LAMA3: variants seen among roughly 807,000 people sequenced by gnomAD.
The protein encoded by LAMA3 is laminin subunit alpha 3.
A neutral mutation model predicts 402.0 loss-of-function variants in LAMA3; 281 were observed. The ratio of observed to expected loss-of-function variants is 0.70; its 90% CI spans 0.63 to 0.77. The LOEUF (loss-of-function observed/expected upper bound fraction) is 0.77. Ranked by LOEUF, LAMA3 falls within the 30% of genes least tolerant of loss-of-function variation. The pLI is 0.00. For synonymous variants in LAMA3, 1,431 were observed against 1,558.4 expected, an observed-to-expected ratio of 0.92 and a Z score of 1.93; for missense variants, 3,840 against 4,215.5, an observed-to-expected ratio of 0.91 and a Z score of 2.47.
At chr18:23,799,271 C>T (rs996997321) in intron 12 of LAMA3, among the ~76,000 whole-genome samples, 15 of 152,074 alleles carry the variant, frequency 9.9e-5, no homozygotes, top group East Asian at 3.8e-4. Context: ...TAAAATACTC[C>T]GGAAACTCCA....
intron 35 of LAMA3, 101 bp downstream of exon 35, chr18:23,861,908 A>C (rs932589392): frequency 3.1e-6 from 4 of 1,297,094 alleles, no homozygotes; most frequent in Non-Finnish European, 4.2e-6. Flanking sequence ...CCAGCAGTTC[A>C]GGTTACTAAC....
chr18:23,837,775 C>G (rs962249193), intron 25 of LAMA3, among the ~76,000 whole-genome samples: 8 of 151,724 alleles, frequency 5.3e-5, no homozygotes, highest in Non-Finnish European at 1.2e-4. Context: ...AAGTGTGAAG[C>G]AACTTCCTGT....
chr18:23,933,720 C>A (rs2082231324), intron 66 of LAMA3, 62 bp from the exon 67 acceptor site: 1 of 1,576,728 alleles, frequency 6.3e-7, no homozygotes. Context: ...CTCTCTCTAC[C>A]AGAGGGTCTT....
intron 23 of LAMA3, among the ~76,000 whole-genome samples, chr18:23,832,053 C>G (rs1031491195): frequency 6.6e-6 from 1 of 152,172 alleles, no homozygotes; most frequent in African/African-American, 2.4e-5. Flanking sequence ...ATCAAATGTA[C>G]CTTAAACTCT....
At chr18:23,773,726 C>CA in intron 9 of LAMA3, 139 bp downstream of exon 9, 4 of 688,328 alleles carry the variant, frequency 5.8e-6, no homozygotes, top group Non-Finnish European at 1.1e-5. Context: ...TATGTGACCT[C>CA]AGTCACTTAC....
chr18:23,914,780 G>A lies in LAMA3; in HGVS notation c.7564G>A (p.Gly2522Ser). The stretch of plus-strand genomic sequence containing the variant: ...AACACCCGGAGTCTATGACATGGAT[G>A]GTAGAAATAGCAATACACTCCTTAA... The part of the protein sequence containing the change: ...PETPGVYDMD[G>S]RNSNTLLNLD... Residue 2522 changes from glycine to serine, a missense_variant, in exon 58 of 75, where the codon GGT becomes AGT. Coordinates refer to ENST00000313654, the MANE Select transcript of LAMA3 (RefSeq NM_198129.4). The A allele has an allele frequency of 6.2e-7, 1 of 1,612,922 alleles. No individual in the cohort carries two copies. Among genetic ancestry groups the A allele is most frequent in the Non-Finnish European group, 8.5e-7 (1 of 1,178,962 alleles).
intron 12 of LAMA3, among the ~76,000 whole-genome samples, chr18:23,790,648 A>G (rs1460364325): frequency 6.6e-6 from 1 of 152,196 alleles, no homozygotes; most frequent in African/African-American, 2.4e-5. Flanking sequence ...AAGTCATAGA[A>G]CATTTGGGTG....
chr18:23,873,165 C>G, intron 38 of LAMA3: 1 of 1,614,214 alleles, frequency 6.2e-7, no homozygotes, highest in Non-Finnish European at 8.5e-7. Flanking sequence ...TCTTCAGCCT[C>G]CCGGTCAAAG....
intron 22 of LAMA3, among the ~76,000 whole-genome samples, chr18:23,827,077 G>T (rs1280771029): frequency 2.6e-5 from 4 of 152,328 alleles, no homozygotes; most frequent in Non-Finnish European, 5.9e-5. Flanking sequence ...CATACATCTG[G>T]TGGGAGGAAG....
rs2082703609 is a variant in LAMA3 at position 23,946,155 on chromosome 18, C to T, written c.9222C>T (p.Gly3074=). ...TTCTTACTCTGAAGGTGGTGTTTGG[C>T]CATGATGGGGAAAAGGGGCGCTTGG... ...NDGKWHTVVF[G]HDGEKGRLVV... The change falls in exon 70 of 75, where the codon GGC becomes GGT. Residue 3074 remains glycine (G), a synonymous_variant. Transcript: ENST00000313654. The T allele has an allele frequency of 3.1e-6, 5 of 1,613,746 alleles. No homozygotes were observed. The East Asian group carries it at 1.1e-4, about 36-fold the overall frequency.
intron 70 of LAMA3, among the ~76,000 whole-genome samples, chr18:23,947,482 G>A (rs114048055): frequency 3.1e-3 from 475 of 152,298 alleles, no homozygotes; most frequent in African/African-American, 0.011. Flanking sequence ...TGGGCATAAT[G>A]AAAGCAGGTC....
chr18:23,954,023 C>T (rs2083022777), intron 74 of LAMA3, among the ~76,000 whole-genome samples: 1 of 152,216 alleles, frequency 6.6e-6, no homozygotes, highest in South Asian at 2.1e-4. Flanking sequence ...GCTGATTTAT[C>T]ACAGCAGGTG....
At position 23,914,492 on chromosome 18, in the gene LAMA3, T is replaced by G. The variant is rs1259179419; in HGVS notation, c.7412T>G (p.Leu2471Arg). Residue 2471 changes from leucine to arginine, a missense_variant, in exon 57 of 75, where the codon CTC becomes CGC. This residue lies in a region of LAMA3 where 891 missense variants were observed against 857.5 expected (regional missense o/e 1.04). Coordinates refer to ENST00000313654, the MANE Select transcript of LAMA3 (RefSeq NM_198129.4). ...AACCTGGGGGACCGTGAGGCTGAAC[T>G]CCAAGTGGACCAGATCTTGACCAAG... ...VYNLGDREAE[L>R]QVDQILTKSE... 1.2e-6 allele frequency: 2 copies of G among 1,614,126 alleles called. No individual in the cohort carries two copies. The highest frequency in any genetic ancestry group is 4.5e-5 in the East Asian group (2 of 44,866).
At position 23,905,584 on chromosome 18, in the gene LAMA3, G is replaced by A. The variant is rs2145163674; in HGVS notation, c.6678G>A (p.Leu2226=). The A allele has an allele frequency of 6.2e-7, 1 of 1,611,606 alleles. No homozygotes were observed. The highest frequency in any genetic ancestry group is 8.5e-7 in the Non-Finnish European group (1 of 1,178,162). ...CCCTGAGTTCCAACAGTGATAAACT[G>A]TTAAATGAAGCCAAGATGACACAAA... ...AKTLSSNSDK[L]LNEAKMTQKK... Residue 2226 remains leucine, a synonymous_variant, in exon 52 of 75, where the codon CTG becomes CTA. Transcript: ENST00000313654.
At position 23,914,846 on chromosome 18, in the gene LAMA3, C is replaced by T. The variant is rs747351351; in HGVS notation, c.7630C>T (p.Pro2544Ser). 5.6e-6 allele frequency: 9 copies of T among 1,611,420 alleles called. No individual in the cohort carries two copies. In the Admixed American group the frequency reaches 6.7e-5, roughly 12 times the overall value. The change falls in exon 58 of 75, where the codon CCA becomes TCA. Residue 2544 changes from proline to serine, a missense_variant. By Grantham distance (74) the Pro-to-Ser change is moderately conservative. Around this residue, in one of 3 missense-constraint regions of LAMA3, gnomAD observed 840 missense variants for 981.9 expected, o/e 0.86. Transcript: ENST00000313654. ...ENVVFYVGGY[P>S]PDFKLPSRLS... ...TGTTGTATTTTATGTTGGAGGTTAC[C>T]CACCTGATTTTAAAGTAAGTGTAAA... is the stretch of plus-strand genomic sequence containing the variant.
At chr18:23,798,105 G>A (rs1015656588) in intron 12 of LAMA3, among the ~76,000 whole-genome samples, 3 of 151,400 alleles carry the variant, frequency 2.0e-5, no homozygotes, top group East Asian at 1.9e-4. Context: ...CCTTTTTTCC[G>A]CTATTCTTCA....
intron 2 of LAMA3, among the ~76,000 whole-genome samples, chr18:23,737,263 C>T (rs551937690): frequency 3.0e-4 from 45 of 152,322 alleles, no homozygotes; most frequent in African/African-American, 1.1e-3. Flanking sequence ...AGCTGGATTT[C>T]AGGAAACTGA....
At chr18:23,953,542 A>G (rs1431375168) in intron 74 of LAMA3, among the ~76,000 whole-genome samples, 1 of 151,864 alleles carries the variant, frequency 6.6e-6, no homozygotes, top group Non-Finnish European at 1.5e-5. Flanking sequence ...GGGTTTTGCT[A>G]TGTTGGCCAG....
chr18:23,804,248 C>G (rs764671103), intron 12 of LAMA3, among the ~76,000 whole-genome samples: 1 of 152,172 alleles, frequency 6.6e-6, no homozygotes, highest in Non-Finnish European at 1.5e-5. Flanking sequence ...CTGCTGAAGG[C>G]TCCAAAAAGC....
Sources: allele counts gnomAD v4.1 joint callset (sites outside exome capture counted in the v4.1 genomes callset), GRCh38; gene constraint gnomAD v4.1.1; regional missense constraint gnomAD v4.1.1; transcripts MANE v1.5; gene names NCBI Gene and HGNC (gene_info 2026-07-23, HGNC 2026-07-21).